Variants in TMEM114 observed in about 807,000 individuals in gnomAD.
TMEM114 encodes claudin-26.
TMEM114 carries 6 observed loss-of-function variants against 6.2 expected under a neutral mutation model. The observed-to-expected ratio is 0.97, with a 90% CI of 0.53 to 1.91. The LOEUF is 1.91. TMEM114 is among the 40% of genes most tolerant of loss of function. The pLI, the probability that TMEM114 is intolerant of heterozygous loss-of-function variation, is 0.01. For synonymous variants in TMEM114, 104 were observed against 73.0 expected, an observed-to-expected ratio of 1.42 and a Z score of -2.16; for missense variants, 218 against 158.3, an observed-to-expected ratio of 1.38 and a Z score of -2.02.
At chr16:8,572,659 C>A (rs894927233) in intron 2 of TMEM114, among the ~76,000 whole-genome samples, 1 of 152,204 alleles carries the variant, frequency 6.6e-6, no homozygotes, top group African/African-American at 2.4e-5. Context: ...TGGTCTCAAA[C>A]TCCTGGGCCC....
intron 2 of TMEM114, among the ~76,000 whole-genome samples, chr16:8,561,238 G>C (rs963580998): frequency 6.6e-6 from 1 of 152,212 alleles, no homozygotes; most frequent in Non-Finnish European, 1.5e-5. Flanking sequence ...CTTGCCTATA[G>C]CACAGTCTTG....
At position 8,558,592 on chromosome 16, in the gene TMEM114, C is replaced by G. The variant is rs146984231; in HGVS notation, n.213-20766G>C. Among the ~76,000 whole-genome samples, 3 of 152,292 alleles carry G rather than the reference C, an allele frequency of 2.0e-5. No homozygotes were observed. In the East Asian group the frequency reaches 5.8e-4, roughly 29 times the overall value. Reference sequence around the variant, plus strand: ...TTTATAGGTAGTGAAGTTACAATTTCAACATGATCTTTTTGGGGCACATGC... The same window carrying G: ...TTTATAGGTAGTGAAGTTACAATTTGAACATGATCTTTTTGGGGCACATGC... On this transcript the variant is annotated intron_variant and non_coding_transcript_variant, in intron 2 of 2. Transcript: ENST00000623677.
chr16:8,548,255 T>C (rs1297016018), intron 2 of TMEM114, among the ~76,000 whole-genome samples: 1 of 152,148 alleles, frequency 6.6e-6, no homozygotes, highest in Non-Finnish European at 1.5e-5. Context: ...TAATATGAGT[T>C]CCTGCCTCTC....
At chr16:8,566,123 C>G (rs566591920), downstream of TMEM114, among the ~76,000 whole-genome samples, 1 of 152,136 alleles carries the variant, frequency 6.6e-6, no homozygotes, top group African/African-American at 2.4e-5. Context: ...GTAATCCCAG[C>G]ACTTTGGGAG....
rs192051971 is a variant in TMEM114, at chr16:8,585,761, A to G, written c.301+3452T>C. ...CACTTACAGCACACTTCCGGAGGCC[A>G]GACACCACATTAGGCTCTTTAAATA... On this transcript the variant is annotated intron_variant, in intron 2 of 3. Coordinates refer to ENST00000620492, the MANE Select transcript of TMEM114 (RefSeq NM_001146336.2). 4.6e-5 allele frequency among the ~76,000 whole-genome samples: 7 copies of G among 152,344 alleles called. No individual in the cohort carries two copies. In the East Asian group the frequency reaches 1.2e-3, roughly 25 times the overall value.
chr16:8,537,371 C>T (rs542272774), downstream of TMEM114, among the ~76,000 whole-genome samples: 2 of 152,182 alleles, frequency 1.3e-5, no homozygotes, highest in African/African-American at 2.4e-5. Context: ...CGCGATGGCA[C>T]ACGCCTGTAG....
intron 3 of TMEM114, 141 bp from the exon 4 acceptor site, chr16:8,570,146 G>T: frequency 1.7e-6 from 2 of 1,179,242 alleles, no homozygotes; most frequent in Non-Finnish European, 2.4e-6. Context: ...GCGCGTGCTA[G>T]TCTCCCCGCT....
At chr16:8,586,657 G>A (rs1032246454) in intron 2 of TMEM114, among the ~76,000 whole-genome samples, 15 of 152,006 alleles carry the variant, frequency 9.9e-5, no homozygotes, top group Non-Finnish European at 1.5e-4. Context: ...CTACAGGCAG[G>A]TGGCACCACA....
intron 2 of TMEM114, among the ~76,000 whole-genome samples, chr16:8,555,428 G>A (rs746287133): frequency 3.9e-5 from 6 of 152,034 alleles, no homozygotes; most frequent in Non-Finnish European, 8.8e-5. Flanking sequence ...ACTAATTAAG[G>A]AGCAGCCTTT....
chr16:8,587,279 A>C (rs989630106), intron 2 of TMEM114, among the ~76,000 whole-genome samples: 1 of 152,196 alleles, frequency 6.6e-6, no homozygotes, highest in African/African-American at 2.4e-5. Flanking sequence ...ATTTGCATTC[A>C]CTAACATGTT....
intron 2 of TMEM114, among the ~76,000 whole-genome samples, chr16:8,588,308 C>T (rs1360696130): frequency 1.3e-5 from 2 of 151,750 alleles, no homozygotes; most frequent in Non-Finnish European, 2.9e-5. Context: ...AAAAACCTGC[C>T]CACATTTTCA....
In TMEM114 at chr16:8,552,708, A is replaced by G. The variant is rs543275289; in HGVS notation, n.213-14882T>C. Among the ~76,000 whole-genome samples the G allele has an allele frequency of 3.9e-3, 523 of 132,572 alleles. 8 individuals carry two copies. Among genetic ancestry groups the G allele is most frequent in the African/African-American group, 0.019 (506 of 27,016 alleles). The allele number at this position is 132,572 out of a possible 152,430, so 87.0% of individuals were successfully genotyped here. A position where few individuals can be genotyped will look rare whatever the true frequency, so the allele number is the denominator to read the frequency against. ...TATAATTATTTCAAAATAAATAGGA[A>G]AAAAAAAAAAAAGACAATGGCTGTG... On this transcript the variant is annotated intron_variant and non_coding_transcript_variant, in intron 2 of 2. Transcript: ENST00000623677.
chr16:8,566,606 G>C (rs929162498), downstream of TMEM114, among the ~76,000 whole-genome samples: 2 of 152,114 alleles, frequency 1.3e-5, no homozygotes, highest in African/African-American at 4.8e-5. Flanking sequence ...TTAATCATCA[G>C]CACCTCCTTA....
chr16:8,564,362 T>G lies in TMEM114; in HGVS notation n.212+24851A>C, dbSNP rs372529495. 8.7e-4 allele frequency among the ~76,000 whole-genome samples: 129 copies of G among 148,516 alleles called. 6 individuals carry two copies. Among genetic ancestry groups the G allele is most frequent in the Admixed American group, 3.2e-3 (49 of 15,080 alleles). On this transcript the variant is annotated intron_variant and non_coding_transcript_variant, in intron 2 of 2. Transcript: ENST00000623677. The stretch of plus-strand genomic sequence containing the variant: ...GTCAGTGAGAGAATGAGTCAGTGAG[T>G]GAATGAGTCAGTGAATGAGTGAGGG...
chr16:8,567,364 C>A (rs947488985), downstream of TMEM114, among the ~76,000 whole-genome samples: 38 of 152,200 alleles, frequency 2.5e-4, no homozygotes, highest in African/African-American at 7.7e-4. Flanking sequence ...GGCCCTGGAA[C>A]AGTCTCTGAC....
downstream of TMEM114, among the ~76,000 whole-genome samples, chr16:8,564,833 G>C (rs964395741): frequency 7.1e-6 from 1 of 140,914 alleles, no homozygotes; most frequent in African/African-American, 2.7e-5. Flanking sequence ...GAGTGATGGA[G>C]GGAATGAGTG....
chr16:8,576,017 C>A (rs994538483), intron 2 of TMEM114, among the ~76,000 whole-genome samples: 11 of 152,044 alleles, frequency 7.2e-5, no homozygotes, highest in Admixed American at 5.9e-4. Context: ...AGCTAGACTG[C>A]GGTGTTCTGC....
At position 8,589,834 on chromosome 16, in the gene TMEM114, C is replaced by T. The variant is rs972395402; in HGVS notation, c.5G>A (p.Arg2Gln). 3.4e-3 allele frequency: 1,354 copies of T among 398,010 alleles called. 28 individuals are homozygous for T. The highest frequency in any genetic ancestry group is 0.027 in the Admixed American group (610 of 22,686). 24.7% of individuals were successfully genotyped at this position (398,010 alleles called of 1,614,324 possible). A position where few individuals can be genotyped will look rare whatever the true frequency, so the allele number is the denominator to read the frequency against. The change falls in exon 1 of 4, where the codon CGG becomes CAG. Residue 2 changes from arginine to glutamine, a missense_variant. Arg to Gln is a conservative substitution (Grantham distance 43). Transcript: ENST00000620492. ...GCCGGCCAGCCCGCCCAGGTGCACC[C>T]GCATCGCCGAGCCCAGGACCAGCAG... is the stretch of plus-strand genomic sequence containing the variant. M[R>Q]VHLGGLAGAA...
At chr16:8,557,059 C>G (rs1228968353) in intron 2 of TMEM114, among the ~76,000 whole-genome samples, 3 of 152,126 alleles carry the variant, frequency 2.0e-5, no homozygotes, top group Non-Finnish European at 4.4e-5. Context: ...ACAGGATACA[C>G]TCAGAGAGGG....
Sources: gnomAD v4.1 joint callset for allele counts (sites outside exome capture counted in the v4.1 genomes callset) on GRCh38, gnomAD v4.1.1 for gene constraint, MANE v1.5 for transcripts, NCBI Gene and HGNC (gene_info 2026-07-23, HGNC 2026-07-21) for gene names.